C14orf132: variants seen among roughly 807,000 people sequenced by gnomAD.
C14orf132 encodes uncharacterized protein C14orf132.
Under a neutral mutation model 5.8 loss-of-function variants are expected in C14orf132, and 6 were observed. That is an observed-to-expected ratio of 1.03 (90% CI 0.57 to 2.04). The LOEUF (loss-of-function observed/expected upper bound fraction) is 2.04, where lower values mean the gene tolerates loss of function less well. Among genes scored for constraint, C14orf132 ranks in the 30% most tolerant of loss-of-function variants. The pLI is 0.00. For missense variants in C14orf132, 125 were observed against 115.8 expected, an observed-to-expected ratio of 1.08 and a Z score of -0.37; for synonymous variants, 51 against 49.8, an observed-to-expected ratio of 1.02 and a Z score of -0.10.
chr14:96,041,075 C>A (rs529217033), intron 1 of C14orf132, among the ~76,000 whole-genome samples: 2 of 152,272 alleles, frequency 1.3e-5, no homozygotes, highest in South Asian at 4.1e-4. Flanking sequence ...AGACCAGGTT[C>A]CTATTTTTCC....
chr14:96,075,984 G>A (rs547317866), intron 1 of C14orf132, among the ~76,000 whole-genome samples: 26 of 152,222 alleles, frequency 1.7e-4, no homozygotes, highest in Non-Finnish European at 3.8e-4. Flanking sequence ...GGAACAGAAT[G>A]TCTACAACTT....
intron 1 of C14orf132, among the ~76,000 whole-genome samples, chr14:96,077,559 A>G (rs1389298067): frequency 6.6e-6 from 1 of 152,142 alleles, no homozygotes; most frequent in East Asian, 1.9e-4. Context: ...AGCCAACGAG[A>G]GAGGCCTCAG....
chr14:96,044,972 C>T (rs1337014559), intron 1 of C14orf132, among the ~76,000 whole-genome samples: 1 of 152,218 alleles, frequency 6.6e-6, no homozygotes, highest in Non-Finnish European at 1.5e-5. Context: ...CAAACCACAA[C>T]AGGTTCTGAA....
At chr14:96,080,970 A>C (rs902871932) in intron 1 of C14orf132, among the ~76,000 whole-genome samples, 8 of 152,200 alleles carry the variant, frequency 5.3e-5, no homozygotes, top group African/African-American at 1.9e-4. Flanking sequence ...AATACCAAAA[A>C]ATAACAGACA....
chr14:96,079,474 T>C (rs1887968472), intron 1 of C14orf132, among the ~76,000 whole-genome samples: 3 of 143,074 alleles, frequency 2.1e-5, no homozygotes, highest in African/African-American at 7.5e-5. Context: ...CACCATTTTA[T>C]GACTGTGTGT....
chr14:96,078,350 T>A (rs575624755), intron 1 of C14orf132, among the ~76,000 whole-genome samples: 2 of 152,370 alleles, frequency 1.3e-5, no homozygotes, highest in Non-Finnish European at 2.9e-5. Flanking sequence ...CACAGGAGCC[T>A]GGCTTCTCAG....
intron 1 of C14orf132, among the ~76,000 whole-genome samples, chr14:96,077,945 G>C (rs187841448): frequency 1.3e-5 from 2 of 152,332 alleles, no homozygotes; most frequent in East Asian, 3.9e-4. Context: ...ATATGTACAG[G>C]TTCACACCAC....
At chr14:96,055,651 A>G (rs1236364646) in intron 1 of C14orf132, among the ~76,000 whole-genome samples, 1 of 152,088 alleles carries the variant, frequency 6.6e-6, no homozygotes, top group African/African-American at 2.4e-5. Context: ...CTGTAAGAGG[A>G]GGTATAATTC....
Position 96,089,427 on chromosome 14 carries a change from G to A in C14orf132, c.*2692G>A, listed in dbSNP as rs1025981658. The A allele has an allele frequency of 4.3e-4, 65 of 152,396 alleles. No individual in the cohort carries two copies. The highest frequency in any genetic ancestry group is 1.5e-3 in the African/African-American group (62 of 41,470). 9.4% of individuals were successfully genotyped at this position (152,396 alleles called of 1,614,324 possible). ...ACACAGCATGAAAGTGATGAGCTAG[G>A]ATTTGAATCTGGGAAGTTGGGCTCT... On this transcript the variant is annotated 3_prime_UTR_variant, in exon 2 of 2. Coordinates refer to ENST00000555004, the MANE Select transcript of C14orf132 (RefSeq NM_001252507.3).
At chr14:96,073,777 T>C (rs1397082667) in intron 1 of C14orf132, among the ~76,000 whole-genome samples, 1 of 152,134 alleles carries the variant, frequency 6.6e-6, no homozygotes, top group African/African-American at 2.4e-5. Flanking sequence ...AGCAAAGACA[T>C]GCAATCAACC....
intron 1 of C14orf132, among the ~76,000 whole-genome samples, chr14:96,069,179 G>GTATATA (rs527543816): frequency 1.2e-4 from 6 of 48,758 alleles, no homozygotes; most frequent in Non-Finnish European, 5.2e-5. Context: ...ATATATATAT[G>GTATATA]TATATATATA....
chr14:96,051,582 C>A (rs182165329), intron 1 of C14orf132, among the ~76,000 whole-genome samples: 1 of 152,160 alleles, frequency 6.6e-6, no homozygotes, highest in Non-Finnish European at 1.5e-5. Flanking sequence ...TTTCCAGCAG[C>A]TTTGAGGGAC....
intron 1 of C14orf132, among the ~76,000 whole-genome samples, chr14:96,069,183 A>ATATATATATATATATATG (rs372630503): frequency 0.055 from 7,339 of 134,232 alleles, 351 homozygotes; most frequent in Non-Finnish European, 0.083. Flanking sequence ...ATATATGTAT[A>ATATATATATATATATATG]TATATATATA....
intron 1 of C14orf132, among the ~76,000 whole-genome samples, chr14:96,060,618 C>A (rs1410394173): frequency 6.6e-6 from 1 of 152,142 alleles, no homozygotes; most frequent in Non-Finnish European, 1.5e-5. Flanking sequence ...TGTCTTTCTC[C>A]TTTGCCTCAC....
chr14:96,059,478 C>T (rs1183972167), intron 1 of C14orf132, among the ~76,000 whole-genome samples: 1 of 152,156 alleles, frequency 6.6e-6, no homozygotes, highest in Non-Finnish European at 1.5e-5. Flanking sequence ...GAAACTGAAG[C>T]CCCAGGGTTA....
intron 1 of C14orf132, among the ~76,000 whole-genome samples, chr14:96,049,472 A>ACG (rs1456877480): frequency 6.8e-6 from 1 of 146,576 alleles, no homozygotes; most frequent in Non-Finnish European, 1.5e-5. Context: ...ATATATATAT[A>ACG]TGTGTATATA....
chr14:96,057,829 T>C (rs1887224834), intron 1 of C14orf132, among the ~76,000 whole-genome samples: 1 of 152,092 alleles, frequency 6.6e-6, no homozygotes, highest in Non-Finnish European at 1.5e-5. Flanking sequence ...ACTCCACCCC[T>C]GGATCCTTTG....
At chr14:96,072,290 G>A (rs910493994) in intron 1 of C14orf132, among the ~76,000 whole-genome samples, 38 of 152,206 alleles carry the variant, frequency 2.5e-4, no homozygotes, top group African/African-American at 9.2e-4. Flanking sequence ...TCTTGGCGCT[G>A]TAGAAAGAGC....
intron 1 of C14orf132, among the ~76,000 whole-genome samples, chr14:96,077,412 G>C (rs1887902476): frequency 6.6e-6 from 1 of 152,118 alleles, no homozygotes; most frequent in African/African-American, 2.4e-5. Flanking sequence ...TAAAGGGGGT[G>C]ATTAAGTTAA....
Sources: gnomAD v4.1 joint callset for allele counts (sites outside exome capture counted in the v4.1 genomes callset) on GRCh38, gnomAD v4.1.1 for gene constraint, MANE v1.5 for transcripts, NCBI Gene and HGNC (gene_info 2026-07-23, HGNC 2026-07-21) for gene names.